SLC30A8: variants seen among roughly 807,000 people sequenced by gnomAD.
SLC30A8 encodes proton-coupled zinc antiporter SLC30A8.
Under a neutral mutation model 36.9 loss-of-function variants are expected in SLC30A8, and 27 were observed. The observed-to-expected ratio is 0.73, with a 90% confidence interval of 0.54 to 1.01. The LOEUF is 1.01. Ranked by LOEUF, SLC30A8 falls within the 50% of genes least tolerant of loss-of-function variation. The pLI, the probability that SLC30A8 is intolerant of heterozygous loss-of-function variation, is 0.00. For missense variants in SLC30A8, 439 were observed against 452.0 expected, an observed-to-expected ratio of 0.97 and a Z score of 0.26; for synonymous variants, 164 against 172.4, an observed-to-expected ratio of 0.95 and a Z score of 0.38.
At chr8:117,141,582 G>A (rs1364931399) in intron 1 of SLC30A8, among the ~76,000 whole-genome samples, 1 of 152,116 alleles carries the variant, frequency 6.6e-6, no homozygotes, top group Non-Finnish European at 1.5e-5. Flanking sequence ...TTGGGAACAG[G>A]TGGTGTTTGG....
rs565227852 is a variant in SLC30A8, at chr8:117,115,635, C to T, written c.-225-19645C>T. On this transcript the variant is annotated intron_variant, in intron 2 of 10. Transcript: ENST00000427715. ...TTGGGTGAGAAAGTCATATGTCAAT[C>T]AAGCAAATTAGTGAAATAGGTTAAT... Among the ~76,000 whole-genome samples the T allele has an allele frequency of 5.9e-5, 9 of 152,218 alleles. No homozygotes were observed. In the South Asian group the frequency reaches 1.9e-3, roughly 32 times the overall value.
intron 6 of SLC30A8, among the ~76,000 whole-genome samples, chr8:117,170,565 A>G (rs191192111): frequency 1.3e-5 from 2 of 152,140 alleles, no homozygotes; most frequent in African/African-American, 2.4e-5. Flanking sequence ...TTGCTCCTCA[A>G]AGATCTCTGT....
At chr8:117,154,497 C>T (rs553044063) in intron 3 of SLC30A8, among the ~76,000 whole-genome samples, 8 of 152,282 alleles carry the variant, frequency 5.3e-5, no homozygotes, top group East Asian at 3.9e-4. Flanking sequence ...CTGTGGACTG[C>T]GGCTTTTCAA....
chr8:117,061,198 T>C (rs949303646), intron 2 of SLC30A8, among the ~76,000 whole-genome samples: 1 of 152,232 alleles, frequency 6.6e-6, no homozygotes, highest in Admixed American at 6.5e-5. Context: ...ATGACTCTAG[T>C]TTGGGTTTTC....
At position 117,128,130 on chromosome 8, in the gene SLC30A8, T is replaced by G. The variant is rs191223547; in HGVS notation, c.-225-7150T>G. Among the ~76,000 whole-genome samples, 273 of 152,130 alleles carry G rather than the reference T, an allele frequency of 1.8e-3. 1 individual carries two copies. The highest frequency in any genetic ancestry group is 3.2e-3 in the Non-Finnish European group (216 of 67,966). ...ACCTGAGTTATCTCCTAGGGCTCCT[T>G]GCTTTCTTCTTTCAGTTTTCTCCCA... is the stretch of plus-strand genomic sequence containing the variant. On this transcript the variant is annotated intron_variant, in intron 2 of 10. Transcript: ENST00000427715.
intron 1 of SLC30A8, among the ~76,000 whole-genome samples, chr8:117,143,368 C>G (rs1821747203): frequency 6.6e-6 from 1 of 152,000 alleles, no homozygotes; most frequent in South Asian, 2.1e-4. Context: ...ATTTTTAAAG[C>G]TTTGGCCATA....
intron 1 of SLC30A8, among the ~76,000 whole-genome samples, chr8:117,011,292 G>A (rs1308670655): frequency 6.6e-6 from 1 of 152,140 alleles, no homozygotes; most frequent in Non-Finnish European, 1.5e-5. Flanking sequence ...TTTTAACTGG[G>A]TTTATGTCAC....
chr8:116,955,736 T>G (rs141796722), intron 1 of SLC30A8, among the ~76,000 whole-genome samples: 1,386 of 136,940 alleles, frequency 0.01, 33 homozygotes, highest in African/African-American at 0.036. Context: ...AAAAAAAAAA[T>G]AAAAAAAAAG....
rs181348368 is a variant in SLC30A8, at chr8:117,048,176, T to C, written c.-226+8918T>C. 2.7e-3 allele frequency among the ~76,000 whole-genome samples: 405 copies of C among 152,354 alleles called. 2 individuals are homozygous for C. The highest frequency in any genetic ancestry group is 9.6e-3 in the African/African-American group (401 of 41,578). On this transcript the variant is annotated intron_variant, in intron 2 of 10. Coordinates refer to the SLC30A8 transcript ENST00000427715. ...TTGCACAAGATCCAAGAACCCTCTC[T>C]TGGGGTCTGGATTGGGACCCCTTTC...
chr8:116,978,924 C>CT (rs952711067), intron 1 of SLC30A8, among the ~76,000 whole-genome samples: 18 of 149,940 alleles, frequency 1.2e-4, no homozygotes, highest in African/African-American at 4.4e-4. Context: ...TTTTTTCTTT[C>CT]TTTTTTTCTT....
intron 2 of SLC30A8, among the ~76,000 whole-genome samples, chr8:117,050,080 A>G (rs1489466057): frequency 6.6e-6 from 1 of 152,188 alleles, no homozygotes; most frequent in African/African-American, 2.4e-5. Context: ...GGAAGGCAAC[A>G]GCATGCTCTC....
intron 3 of SLC30A8, among the ~76,000 whole-genome samples, chr8:117,153,573 T>G (rs555155169): frequency 1.3e-5 from 2 of 152,306 alleles, no homozygotes; most frequent in Admixed American, 6.5e-5. Flanking sequence ...CAATTGAATA[T>G]CTTGCTCGCT....
intron 1 of SLC30A8, among the ~76,000 whole-genome samples, chr8:116,959,082 C>T (rs1412046396): frequency 6.6e-6 from 1 of 152,014 alleles, no homozygotes. Context: ...ATCTCCTGAC[C>T]TCGTGATCTG....
At chr8:117,149,869 C>T (rs13270550) in intron 2 of SLC30A8, among the ~76,000 whole-genome samples, 23,922 of 152,168 alleles carry the variant, frequency 0.16, 2,233 homozygotes, top group East Asian at 0.27. Flanking sequence ...CCCAGCAGCT[C>T]AGGGTTCAAG....
intron 1 of SLC30A8, among the ~76,000 whole-genome samples, chr8:117,144,111 G>C (rs17738231): frequency 0.15 from 23,090 of 152,080 alleles, 2,342 homozygotes; most frequent in South Asian, 0.33. Context: ...TCAGCCCAAG[G>C]AAACAGTAAA....
chr8:117,016,778 G>A (rs867482672), intron 1 of SLC30A8, among the ~76,000 whole-genome samples: 1 of 152,174 alleles, frequency 6.6e-6, no homozygotes, highest in African/African-American at 2.4e-5. Context: ...CATGAGGGTA[G>A]ACGCTTAAGA....
At chr8:117,003,218 A>G (rs1816071884) in intron 1 of SLC30A8, among the ~76,000 whole-genome samples, 1 of 152,218 alleles carries the variant, frequency 6.6e-6, no homozygotes. Context: ...TATGGTCTTT[A>G]AAATTTCCCA....
chr8:116,972,754 G>A (rs1362760938), intron 1 of SLC30A8, among the ~76,000 whole-genome samples: 2 of 152,116 alleles, frequency 1.3e-5, no homozygotes, highest in Non-Finnish European at 2.9e-5. Context: ...CAATATGCAG[G>A]AACTGACGTG....
chr8:117,100,780 C>T (rs1159075718), intron 2 of SLC30A8, among the ~76,000 whole-genome samples: 2 of 152,172 alleles, frequency 1.3e-5, no homozygotes, highest in Non-Finnish European at 2.9e-5. Flanking sequence ...GAAACCTGTA[C>T]TCATTTAGTC....
Sources: gnomAD v4.1 joint callset for allele counts (sites outside exome capture counted in the v4.1 genomes callset) on GRCh38, gnomAD v4.1.1 for gene constraint, MANE v1.5 for transcripts, NCBI Gene and HGNC (gene_info 2026-07-23, HGNC 2026-07-21) for gene names.